The following WWC2 variants were observed in gnomAD, a reference collection of about 807,000 sequenced individuals.
WWC2 encodes the protein WW and C2 domain containing 2, also known as protein WWC2.
WWC2 carries 101 observed loss-of-function variants against 138.5 expected under a neutral mutation model. The observed-to-expected ratio is 0.73, with a 90% confidence interval of 0.62 to 0.86. The LOEUF is 0.86. Ranked by LOEUF, WWC2 falls within the 40% of genes least tolerant of loss-of-function variation. The pLI, the probability that WWC2 is intolerant of heterozygous loss-of-function variation, is 0.00. For synonymous variants in WWC2, 558 were observed against 538.4 expected (o/e 1.04, Z -0.50); for missense variants, 1,420 against 1,419.4 (o/e 1.00, Z -0.01).
chr4:183,206,162 C>T (rs4380560), intron 2 of WWC2, among the ~76,000 whole-genome samples: 151,652 of 152,246 alleles, frequency 1, 75,532 homozygotes, highest in Non-Finnish European at 1. Context: ...TTTCCCTTCT[C>T]TCAGAGATCA....
chr4:183,311,867 G>A (rs188714493), intron 21 of WWC2, among the ~76,000 whole-genome samples: 14 of 152,046 alleles, frequency 9.2e-5, no homozygotes, highest in Admixed American at 2.0e-4. Flanking sequence ...GTGAGCCACC[G>A]CACCCGGCAT....
intron 1 of WWC2, among the ~76,000 whole-genome samples, chr4:183,119,294 A>G (rs1428619414): frequency 1.3e-5 from 2 of 152,192 alleles, no homozygotes; most frequent in Non-Finnish European, 2.9e-5. Context: ...TCTCCAGTTA[A>G]AGGCATGGAG....
chr4:183,150,957 G>T (rs1230578915), intron 1 of WWC2, among the ~76,000 whole-genome samples: 1 of 152,088 alleles, frequency 6.6e-6, no homozygotes, highest in Non-Finnish European at 1.5e-5. Context: ...ATTTGGGTTG[G>T]TTCCAAGTCT....
intron 17 of WWC2, among the ~76,000 whole-genome samples, chr4:183,282,279 G>A (rs1738100730): frequency 6.6e-6 from 1 of 152,148 alleles, no homozygotes; most frequent in African/African-American, 2.4e-5. Flanking sequence ...CTGCTCGACT[G>A]TGAGTACACT....
intron 1 of WWC2, among the ~76,000 whole-genome samples, chr4:183,163,985 A>G (rs1214767699): frequency 6.6e-6 from 1 of 152,068 alleles, no homozygotes; most frequent in Non-Finnish European, 1.5e-5. Flanking sequence ...AAGTTCTTGA[A>G]TTACTGTATT....
chr4:183,138,878 A>G (rs568798911), intron 1 of WWC2, among the ~76,000 whole-genome samples: 1 of 152,262 alleles, frequency 6.6e-6, no homozygotes, highest in East Asian at 1.9e-4. Context: ...ATACGTATGT[A>G]TTTTTATAAC....
chr4:183,205,358 T>C (rs1167612465), intron 2 of WWC2, among the ~76,000 whole-genome samples: 1 of 152,338 alleles, frequency 6.6e-6, no homozygotes, highest in African/African-American at 2.4e-5. Context: ...ATTTGCACAA[T>C]AGTCAGTAGA....
intron 1 of WWC2, among the ~76,000 whole-genome samples, chr4:183,191,406 T>C (rs1305042388): frequency 1.3e-5 from 2 of 152,206 alleles, no homozygotes; most frequent in Non-Finnish European, 2.9e-5. Flanking sequence ...ATATTGAAGC[T>C]TACCATTTCT....
chr4:183,288,917 T>C (rs1013429538), intron 20 of WWC2, among the ~76,000 whole-genome samples: 14 of 152,172 alleles, frequency 9.2e-5, no homozygotes, highest in African/African-American at 3.4e-4. Context: ...GAAACAGAAA[T>C]GTCTTGCAAT....
chr4:183,183,632 G>A (rs1369635737), intron 1 of WWC2, among the ~76,000 whole-genome samples: 1 of 152,086 alleles, frequency 6.6e-6, no homozygotes, highest in Non-Finnish European at 1.5e-5. Context: ...AAGACATTTA[G>A]CCAAGCGTGT....
intron 1 of WWC2, among the ~76,000 whole-genome samples, chr4:183,124,837 C>T (rs900284450): frequency 6.6e-6 from 1 of 152,042 alleles, no homozygotes; most frequent in Non-Finnish European, 1.5e-5. Context: ...GATCTGCCTG[C>T]TATGTTGTGA....
At chr4:183,106,526 C>A (rs1743367006) in intron 1 of WWC2, among the ~76,000 whole-genome samples, 1 of 151,662 alleles carries the variant, frequency 6.6e-6, no homozygotes, top group African/African-American at 2.4e-5. Flanking sequence ...AATTCCTGAA[C>A]ATTTTAATCA....
intron 2 of WWC2, among the ~76,000 whole-genome samples, chr4:183,201,726 T>C (rs1487957740): frequency 6.6e-6 from 1 of 152,204 alleles, no homozygotes; most frequent in Non-Finnish European, 1.5e-5. Flanking sequence ...TGCATTAAGA[T>C]TGAGATTACC....
At chr4:183,232,644 T>C (rs1242259425) in intron 4 of WWC2, among the ~76,000 whole-genome samples, 1 of 150,624 alleles carries the variant, frequency 6.6e-6, no homozygotes, top group Non-Finnish European at 1.5e-5. Context: ...ATTATATGAA[T>C]AAAGTTTTAT....
At chr4:183,281,009 C>T in intron 17 of WWC2, 112 bp downstream of exon 17, 1 of 1,396,326 alleles carries the variant, frequency 7.2e-7, no homozygotes, top group South Asian at 1.6e-5. Context: ...GAATGCACTG[C>T]ACCTTCAGGA....
Position 183,319,831 on chromosome 4 carries a change from C to T in WWC2, c.*4102C>T, listed in dbSNP as rs1426771168. 3.1e-6 allele frequency: 5 copies of T among 1,613,988 alleles called. No individual in the cohort carries two copies. The South Asian group carries it at 5.5e-5, about 18-fold the overall frequency. On this transcript the variant is annotated 3_prime_UTR_variant, in exon 23 of 23. Transcript: ENST00000403733. ...GAGACGGGAACCAGGGCTGTGACTC[C>T]CGAGGCCCAGGACAGAATTCCTCCC...
At chr4:183,245,972 G>C (rs779625328) in intron 6 of WWC2, among the ~76,000 whole-genome samples, 2 of 152,194 alleles carry the variant, frequency 1.3e-5, no homozygotes, top group African/African-American at 2.4e-5. Context: ...TATGTGAGGA[G>C]CTTAGAAAAG....
intron 1 of WWC2, among the ~76,000 whole-genome samples, chr4:183,159,998 A>G (rs749530475): frequency 3.4e-4 from 51 of 152,200 alleles, no homozygotes; most frequent in Non-Finnish European, 3.2e-4. Flanking sequence ...TCTGATGTGC[A>G]CATATGTCAG....
intron 1 of WWC2, among the ~76,000 whole-genome samples, chr4:183,136,942 TC>T (rs1185847837): frequency 6.6e-6 from 1 of 151,678 alleles, no homozygotes; most frequent in Non-Finnish European, 1.5e-5. Context: ...AGGTTACAAA[TC>T]AGTACAGCAT....
Sources: allele counts gnomAD v4.1 joint callset (sites outside exome capture counted in the v4.1 genomes callset), GRCh38; gene constraint gnomAD v4.1.1; transcripts MANE v1.5; gene names NCBI Gene and HGNC (gene_info 2026-07-23, HGNC 2026-07-21).